The following CDH13 variants were observed in gnomAD, a reference collection of about 807,000 sequenced individuals.
CDH13 encodes the protein cadherin 13, also known as cadherin-13.
A neutral mutation model predicts 63.8 loss-of-function variants in CDH13; 24 were observed. The observed-to-expected ratio is 0.38, with a 90% confidence interval of 0.27 to 0.53. CDH13 has a LOEUF of 0.53. CDH13 is among the 20% of genes least tolerant of loss of function. The probability of loss-of-function intolerance (pLI) is 0.85; values close to 1 mark genes in which losing one functional copy is unlikely to be tolerated. For missense variants in CDH13, 1,049 were observed against 903.1 expected, an observed-to-expected ratio of 1.16 and a Z score of -2.07; for synonymous variants, 503 against 355.3, an observed-to-expected ratio of 1.42 and a Z score of -4.67.
chr16:83,100,747 G>A (rs956056459), intron 3 of CDH13, among the ~76,000 whole-genome samples: 2 of 152,162 alleles, frequency 1.3e-5, no homozygotes, highest in African/African-American at 4.8e-5. Context: ...CCATATGTTC[G>A]TGCAAGTTAC....
intron 9 of CDH13, among the ~76,000 whole-genome samples, chr16:83,675,271 C>T (rs763958257): frequency 2.0e-5 from 3 of 152,184 alleles, no homozygotes; most frequent in Non-Finnish European, 2.9e-5. Flanking sequence ...GTGTCAGCAG[C>T]TCCAGGTGGT....
In CDH13 at chr16:82,664,792, C is replaced by G. The variant is rs186498261; in HGVS notation, c.45+37655C>G. 1.1e-4 allele frequency among the ~76,000 whole-genome samples: 16 copies of G among 152,222 alleles called. 1 individual carries two copies. The East Asian group carries it at 2.7e-3, about 26-fold the overall frequency. Reference sequence around the variant, plus strand: ...GGCAGTTTTTGATATGAAACAGTAACAACAACATCAACGTAACTTGTATTT... The same window carrying G: ...GGCAGTTTTTGATATGAAACAGTAAGAACAACATCAACGTAACTTGTATTT... On this transcript the variant is annotated intron_variant, in intron 1 of 13. Transcript: ENST00000567109.
rs143528109 is a variant in CDH13, at chr16:83,037,990, G to A, written c.366+5772G>A. 7.9e-5 allele frequency among the ~76,000 whole-genome samples: 12 copies of A among 152,258 alleles called. No homozygotes were observed. The East Asian group carries it at 2.3e-3, about 29-fold the overall frequency. ...CTGAGGGCTAAGTGTATTCACTGAG[G>A]CCCTGAGACAGAAGCCAGAGATGGG... On this transcript the variant is annotated intron_variant, in intron 3 of 13. Transcript: ENST00000567109.
chr16:83,750,503 G>T (rs1434276769), intron 11 of CDH13, among the ~76,000 whole-genome samples: 2 of 152,122 alleles, frequency 1.3e-5, no homozygotes, highest in Non-Finnish European at 2.9e-5. Flanking sequence ...TGGTTCCATA[G>T]CATGTACCTT....
chr16:82,642,611 C>T (rs767863300), intron 1 of CDH13, among the ~76,000 whole-genome samples: 6 of 152,140 alleles, frequency 3.9e-5, no homozygotes, highest in South Asian at 2.1e-4. Flanking sequence ...CTGTGCATTA[C>T]GTAAGGCAAG....
intron 7 of CDH13, among the ~76,000 whole-genome samples, chr16:83,528,579 C>T (rs1050175038): frequency 3.9e-5 from 6 of 152,080 alleles, no homozygotes; most frequent in African/African-American, 1.4e-4. Context: ...AATCTTATTT[C>T]AAAAGGGATT....
chr16:83,171,341 C>T (rs1259756094), intron 4 of CDH13, among the ~76,000 whole-genome samples: 1 of 152,136 alleles, frequency 6.6e-6, no homozygotes, highest in Non-Finnish European at 1.5e-5. Context: ...CTAAACCATT[C>T]ATGGAGGATG....
At chr16:83,435,410 A>G (rs574312495) in intron 6 of CDH13, among the ~76,000 whole-genome samples, 2 of 152,180 alleles carry the variant, frequency 1.3e-5, no homozygotes, top group East Asian at 1.9e-4. Flanking sequence ...CAATCGTGTC[A>G]TCCCCTTCAA....
At chr16:82,869,232 A>G (rs2040258680) in intron 2 of CDH13, among the ~76,000 whole-genome samples, 1 of 152,062 alleles carries the variant, frequency 6.6e-6, no homozygotes, top group Admixed American at 6.6e-5. Flanking sequence ...ATTTTAATAG[A>G]GCAAAGTTTT....
chr16:82,961,660 T>C (rs1365351046), intron 2 of CDH13, among the ~76,000 whole-genome samples: 2 of 150,836 alleles, frequency 1.3e-5, no homozygotes, highest in African/African-American at 4.9e-5. Flanking sequence ...GACTTTGCTC[T>C]CAGTATTTTT....
intron 6 of CDH13, among the ~76,000 whole-genome samples, chr16:83,469,426 C>T (rs895674671): frequency 6.6e-6 from 1 of 152,076 alleles, no homozygotes; most frequent in Non-Finnish European, 1.5e-5. Flanking sequence ...TCGAGCAGGC[C>T]TTCCACAGTC....
intron 6 of CDH13, among the ~76,000 whole-genome samples, chr16:83,353,659 A>G (rs1477956058): frequency 6.6e-6 from 1 of 152,252 alleles, no homozygotes; most frequent in East Asian, 1.9e-4. Flanking sequence ...TCAGCTCAAG[A>G]GATGGACACC....
intron 1 of CDH13, among the ~76,000 whole-genome samples, chr16:82,643,891 TGTGGACCACCAGGCCCA>T (rs1481566426): frequency 6.7e-6 from 1 of 149,780 alleles, no homozygotes. Flanking sequence ...GGACTACAGG[TGTGGACCACCAGGCCCA>T]GTTAATTAAA....
rs398030036 is a variant in CDH13 at position 83,111,002 on chromosome 16, CAAA to C, written c.367-14365_367-14363del. 1.3e-3 allele frequency among the ~76,000 whole-genome samples: 134 copies of C among 106,264 alleles called. 1 individual carries two copies. The highest frequency in any genetic ancestry group is 3.0e-3 in the African/African-American group (79 of 26,562). 69.7% of individuals were successfully genotyped at this position (106,264 alleles called of 152,430 possible). The stretch of plus-strand genomic sequence containing the variant: ...CCTAAATGTATGTATTAGGTTGTTG[CAAA>C]AAAAAAAAAAAAAAAAATTAGCCGG... On this transcript the variant is annotated intron_variant, in intron 3 of 13. Transcript: ENST00000567109.
At chr16:83,452,053 C>G (rs1598053106) in intron 6 of CDH13, among the ~76,000 whole-genome samples, 1 of 152,074 alleles carries the variant, frequency 6.6e-6, no homozygotes, top group South Asian at 2.1e-4. Flanking sequence ...CTCATCTGCC[C>G]GGTCAGCCCT....
At position 83,602,723 on chromosome 16, in the gene CDH13, C is replaced by G. The variant is rs567616594; in HGVS notation, c.1101+129C>G. The G allele has an allele frequency of 1.8e-5, 17 of 941,864 alleles. No individual in the cohort carries two copies. In the African/African-American group the frequency reaches 2.1e-4, roughly 12 times the overall value. The allele number at this position is 941,864 out of a possible 1,614,324, so 58.3% of individuals were successfully genotyped here. A position where few individuals can be genotyped will look rare whatever the true frequency, so the allele number is the denominator to read the frequency against. ...TCAAAATACTCCTTTGTGGGAGAGA[C>G]GATGGTGTTTTGCTGGAATTCTTTC... On this transcript the variant is annotated intron_variant, in intron 8 of 13. Transcript: ENST00000567109.
At chr16:83,333,247 G>C (rs2090515779) in intron 5 of CDH13, among the ~76,000 whole-genome samples, 1 of 151,886 alleles carries the variant, frequency 6.6e-6, no homozygotes, top group African/African-American at 2.4e-5. Context: ...GCAAGTTGTT[G>C]GCGTCAGAGA....
intron 3 of CDH13, among the ~76,000 whole-genome samples, chr16:83,078,317 A>G (rs1375203292): frequency 6.6e-6 from 1 of 152,170 alleles, no homozygotes; most frequent in Non-Finnish European, 1.5e-5. Flanking sequence ...GTTTCATGGA[A>G]GGCAATTTTT....
intron 1 of CDH13, among the ~76,000 whole-genome samples, chr16:82,775,603 C>G (rs2035457176): frequency 1.3e-5 from 2 of 152,172 alleles, no homozygotes; most frequent in African/African-American, 4.8e-5. Flanking sequence ...GCAGAGGAAA[C>G]TAAGCCTCAG....
Sources: gnomAD v4.1 joint callset for allele counts (sites outside exome capture counted in the v4.1 genomes callset) on GRCh38, gnomAD v4.1.1 for gene constraint, MANE v1.5 for transcripts, NCBI Gene and HGNC (gene_info 2026-07-23, HGNC 2026-07-21) for gene names.